The following FAM174B variants were observed in gnomAD, a reference collection of about 807,000 sequenced individuals.
FAM174B encodes membrane protein FAM174B.
FAM174B carries 12 observed loss-of-function variants against 10.9 expected under a neutral mutation model. The ratio of observed to expected loss-of-function variants is 1.10; its 90% CI spans 0.71 to 1.79. The LOEUF (loss-of-function observed/expected upper bound fraction) is 1.79, where lower values mean the gene tolerates loss of function less well. Ranked by LOEUF, FAM174B falls within the 40% of genes most tolerant of loss-of-function variation. The pLI is 0.00. For missense variants in FAM174B, 266 were observed against 233.3 expected (o/e 1.14, Z -0.91); for synonymous variants, 132 against 115.8 (o/e 1.14, Z -0.90).
intron 1 of FAM174B, 50 bp downstream of exon 1, chr15:92,655,266 G>T: frequency 6.8e-7 from 1 of 1,475,520 alleles, no homozygotes; most frequent in Non-Finnish European, 9.0e-7. Context: ...GCAGGTTGGC[G>T]ATGCCGCCCT....
chr15:92,631,792 G>A lies in FAM174B; in HGVS notation c.345-1447C>T, dbSNP rs557313051. On this transcript the variant is annotated intron_variant, in intron 1 of 2. Transcript: ENST00000327355. ...ATCACAGGCGTTAGCCATTGCACCC[G>A]GCCACAAACGCAATATTTTAAGAAG... 1.1e-4 allele frequency among the ~76,000 whole-genome samples: 17 copies of A among 150,086 alleles called. 1 individual carries two copies. In the South Asian group the frequency reaches 2.3e-3, roughly 20 times the overall value.
chr15:92,638,053 G>A (rs1222523561), intron 1 of FAM174B, among the ~76,000 whole-genome samples: 2 of 152,144 alleles, frequency 1.3e-5, no homozygotes, highest in Non-Finnish European at 2.9e-5. Context: ...ATCAAAGAAC[G>A]AACTTTGGGA....
chr15:92,655,097 TA>T, intron 1 of FAM174B: 2 of 481,718 alleles, frequency 4.2e-6, no homozygotes, highest in South Asian at 1.3e-4. Flanking sequence ...TATATATAGT[TA>T]AAGAGAGGAA....
At chr15:92,619,709 C>G in intron 2 of FAM174B, 1 of 573,430 alleles carries the variant, frequency 1.7e-6, no homozygotes, top group South Asian at 2.3e-5. Context: ...AACACAACCT[C>G]TTTCTCCTTA....
At chr15:92,635,879 C>CACAT in intron 1 of FAM174B, among the ~76,000 whole-genome samples, 2 of 152,178 alleles carry the variant, frequency 1.3e-5, no homozygotes, top group Non-Finnish European at 2.9e-5. Flanking sequence ...CCGCACCCAG[C>CACAT]ACATTTCTCA....
At chr15:92,627,352 C>A in intron 2 of FAM174B, 1 of 170,734 alleles carries the variant, frequency 5.9e-6, no homozygotes, top group South Asian at 1.7e-4. Context: ...CAGTCATTGT[C>A]AGCCTAGAAA....
At chr15:92,624,967 G>T (rs1257503547) in intron 2 of FAM174B, among the ~76,000 whole-genome samples, 1 of 152,186 alleles carries the variant, frequency 6.6e-6, no homozygotes, top group African/African-American at 2.4e-5. Flanking sequence ...AAGAGGCCCA[G>T]AGCATCCACA....
chr15:92,635,546 T>C (rs975424280), intron 1 of FAM174B, among the ~76,000 whole-genome samples: 1 of 151,546 alleles, frequency 6.6e-6, no homozygotes, highest in Non-Finnish European at 1.5e-5. Flanking sequence ...GGAAGTGGGA[T>C]TGAGGGTGCA....
chr15:92,621,132 T>C (rs1360318127), intron 2 of FAM174B, among the ~76,000 whole-genome samples: 1 of 152,200 alleles, frequency 6.6e-6, no homozygotes, highest in Non-Finnish European at 1.5e-5. Flanking sequence ...ATACATAACT[T>C]ACCCTCTAAT....
At chr15:92,641,241 A>C (rs1292317938) in intron 1 of FAM174B, among the ~76,000 whole-genome samples, 6 of 152,242 alleles carry the variant, frequency 3.9e-5, no homozygotes, top group African/African-American at 1.4e-4. Flanking sequence ...AAGGATGTAC[A>C]GAAACACTCT....
chr15:92,630,383 G>C (rs770427925), intron 1 of FAM174B, 38 bp from the exon 2 acceptor site: 2 of 1,575,238 alleles, frequency 1.3e-6, no homozygotes, highest in South Asian at 2.3e-5. Flanking sequence ...AACACAGCTG[G>C]GAGAGAAAGA....
chr15:92,631,169 AATT>A (rs1482746238), intron 1 of FAM174B, among the ~76,000 whole-genome samples: 1 of 27,836 alleles, frequency 3.6e-5, no homozygotes, highest in African/African-American at 8.7e-5. Context: ...ATTATATAAT[AATT>A]TATATATTAT....
intron 1 of FAM174B, among the ~76,000 whole-genome samples, chr15:92,650,859 C>T (rs1387888720): frequency 6.6e-6 from 1 of 152,210 alleles, no homozygotes; most frequent in Non-Finnish European, 1.5e-5. Flanking sequence ...GGGTTCACCA[C>T]ACCAGGTACC....
chr15:92,620,225 G>A (rs1472166340), intron 2 of FAM174B, among the ~76,000 whole-genome samples: 2 of 152,204 alleles, frequency 1.3e-5, no homozygotes, highest in African/African-American at 4.8e-5. Context: ...CAAGAAATAA[G>A]TTTAGGCCAG....
rs1398979756 is a variant in FAM174B at position 92,620,474 on chromosome 15, GGC to G, written c.477-1017_477-1016del. Among the ~76,000 whole-genome samples, 15 of 151,454 alleles carry G rather than the reference GGC, an allele frequency of 9.9e-5. No homozygotes were observed. In the East Asian group the frequency reaches 1.2e-3, roughly 12 times the overall value. ...GATCGCACCACTGCACTCCAGCCTGGGCAACAGAGCAAGACTCCGTCTCAAAA... is the reference window on the plus strand; with the variant it reads ...GATCGCACCACTGCACTCCAGCCTGGAACAGAGCAAGACTCCGTCTCAAAA... On this transcript the variant is annotated intron_variant, in intron 2 of 2. Coordinates refer to ENST00000327355, the MANE Select transcript of FAM174B (RefSeq NM_207446.3).
intron 1 of FAM174B, among the ~76,000 whole-genome samples, chr15:92,652,714 G>A (rs554995010): frequency 2.0e-5 from 3 of 152,274 alleles, no homozygotes; most frequent in East Asian, 1.9e-4. Context: ...AAGCTTCACT[G>A]GGGAAGGTGG....
rs1482851459 is a variant in FAM174B at position 92,634,000 on chromosome 15, A to T, written c.345-3655T>A. ...CTTTGAGACTAGGGTCAAACTCCCG[A>T]TCTACACGCCTTTCTCAGAAAGACA... is the stretch of plus-strand genomic sequence containing the variant. On this transcript the variant is annotated intron_variant, in intron 1 of 2. Coordinates refer to ENST00000327355, the MANE Select transcript of FAM174B (RefSeq NM_207446.3). 2.6e-5 allele frequency among the ~76,000 whole-genome samples: 4 copies of T among 152,328 alleles called. No individual in the cohort carries two copies. The East Asian group carries it at 7.7e-4, about 29-fold the overall frequency.
At chr15:92,620,820 A>AAG (rs2050714848) in intron 2 of FAM174B, among the ~76,000 whole-genome samples, 1 of 150,846 alleles carries the variant, frequency 6.6e-6, no homozygotes, top group Non-Finnish European at 1.5e-5. Context: ...GTCTCAAAAA[A>AAG]AAAAAAAAAA....
At chr15:92,625,630 C>T (rs1033309838) in intron 2 of FAM174B, among the ~76,000 whole-genome samples, 8 of 152,128 alleles carry the variant, frequency 5.3e-5, no homozygotes, top group Non-Finnish European at 1.0e-4. Flanking sequence ...GGTAGAAAAA[C>T]GTGCCAAAAC....
Sources: allele counts gnomAD v4.1 joint callset (sites outside exome capture counted in the v4.1 genomes callset), GRCh38; gene constraint gnomAD v4.1.1; transcripts MANE v1.5; gene names NCBI Gene and HGNC (gene_info 2026-07-23, HGNC 2026-07-21).